The following PKP2 variants were observed in gnomAD, a reference collection of about 807,000 sequenced individuals.
PKP2 encodes the protein plakophilin-2.
A neutral mutation model predicts 83.4 loss-of-function variants in PKP2; 73 were observed. The ratio of observed to expected loss-of-function variants is 0.88; its 90% confidence interval spans 0.72 to 1.06. The LOEUF (loss-of-function observed/expected upper bound fraction) is 1.06. Among genes scored for constraint, PKP2 ranks in the 50% least tolerant of loss-of-function variants. The pLI is 0.00. For synonymous variants in PKP2, 409 were observed against 430.4 expected, an observed-to-expected ratio of 0.95 and a Z score of 0.62; for missense variants, 966 against 1,065.4, an observed-to-expected ratio of 0.91 and a Z score of 1.30.
chr12:32,880,365 A>C (rs923742192), intron 1 of PKP2, among the ~76,000 whole-genome samples: 36 of 152,180 alleles, frequency 2.4e-4, no homozygotes, highest in African/African-American at 8.7e-4. Context: ...GCGCCACTGC[A>C]CTCCAGCCAG....
rs1362474190 is a variant in PKP2, at chr12:32,843,145, A to G, written c.1379-1940T>C. ...CAGGCGCAGACCACGACACCCGGCT[A>G]ATTTTTTTGTATTTTGAGTAGAGAC... On this transcript the variant is annotated intron_variant, in intron 5 of 12. Coordinates refer to ENST00000340811, the MANE Select transcript of PKP2 (RefSeq NM_001005242.3). The G allele has an allele frequency of 2.5e-5, 11 of 439,624 alleles. No homozygotes were observed. In the Admixed American group the frequency reaches 2.7e-4, roughly 11 times the overall value. 27.2% of individuals were successfully genotyped at this position (439,624 alleles called of 1,614,324 possible). A position where few individuals can be genotyped will look rare whatever the true frequency, so the allele number is the denominator to read the frequency against.
intron 4 of PKP2, among the ~76,000 whole-genome samples, chr12:32,851,266 T>C (rs541523583): frequency 6.6e-6 from 1 of 152,302 alleles, no homozygotes; most frequent in East Asian, 1.9e-4. Flanking sequence ...AGTTAAGTGA[T>C]AAAAGCTTGG....
intron 6 of PKP2, among the ~76,000 whole-genome samples, chr12:32,828,226 A>G (rs751550192): frequency 1.3e-5 from 2 of 152,220 alleles, no homozygotes; most frequent in Non-Finnish European, 2.9e-5. Flanking sequence ...AGGGGGATTC[A>G]GGTGTTTTAT....
At chr12:32,821,761 C>A (rs902245347) in intron 8 of PKP2, 18 of 499,640 alleles carry the variant, frequency 3.6e-5, no homozygotes, top group Non-Finnish European at 5.8e-5. Flanking sequence ...TGATATTTCT[C>A]CCAGTGAGAG....
intron 4 of PKP2, among the ~76,000 whole-genome samples, chr12:32,855,308 A>C (rs1956735234): frequency 1.3e-5 from 2 of 152,172 alleles, no homozygotes; most frequent in African/African-American, 4.8e-5. Flanking sequence ...CTGACACTTT[A>C]TTAGCCATAC....
chr12:32,850,672 C>A (rs1956687405), intron 5 of PKP2, 94 bp downstream of exon 5: 2 of 918,032 alleles, frequency 2.2e-6, no homozygotes, highest in Admixed American at 3.9e-5. Context: ...GCCCATCAAT[C>A]ATTTGCTCCA....
chr12:32,837,332 CTT>C (rs1956552618), intron 6 of PKP2, among the ~76,000 whole-genome samples: 1 of 152,162 alleles, frequency 6.6e-6, no homozygotes, highest in Non-Finnish European at 1.5e-5. Flanking sequence ...AGCCATATGA[CTT>C]TAGGAAAATC....
intron 6 of PKP2, among the ~76,000 whole-genome samples, chr12:32,839,967 A>G (rs1956575554): frequency 6.6e-6 from 1 of 152,182 alleles, no homozygotes; most frequent in East Asian, 1.9e-4. Context: ...CCTCTTTTCT[A>G]GTGCCCTTCT....
At position 32,878,954 on chromosome 12, in the gene PKP2, C is replaced by T. The variant is rs149542398; in HGVS notation, c.302G>A (p.Arg101His). ...GTCATAGGTTTTAGGAACAGGGGAA[C>T]GGCCTCCAACAAAATCATTTTCAAC... ...HLVENDFVGG[R>H]SPVPKTYDML... Residue 101 changes from arginine (R) to histidine (H), a missense_variant, in exon 2 of 13, where the codon CGT (arginine) becomes CAT (histidine). Coordinates refer to ENST00000340811, the MANE Select transcript of PKP2 (RefSeq NM_001005242.3). 5.3e-4 allele frequency: 847 copies of T among 1,600,104 alleles called. 1 individual carries two copies. Among genetic ancestry groups the T allele is most frequent in the Non-Finnish European group, 7.0e-4 (821 of 1,169,174 alleles).
At chr12:32,865,493 CAACATGATGA>C (rs1271683343) in intron 4 of PKP2, among the ~76,000 whole-genome samples, 1 of 151,008 alleles carries the variant, frequency 6.6e-6, no homozygotes, top group African/African-American at 2.4e-5. Flanking sequence ...CCAGCCTGGC[CAACATGATGA>C]AACCTCGACT....
chr12:32,885,666 C>G (rs1470226651), intron 1 of PKP2, among the ~76,000 whole-genome samples: 2 of 151,112 alleles, frequency 1.3e-5, no homozygotes, highest in Non-Finnish European at 2.9e-5. Flanking sequence ...TCCGTCCCCC[C>G]CCCAAAAAAA....
chr12:32,892,557 C>A (rs1957083341), intron 1 of PKP2, among the ~76,000 whole-genome samples: 1 of 152,000 alleles, frequency 6.6e-6, no homozygotes, highest in Non-Finnish European at 1.5e-5. Context: ...CTCAGGTAAT[C>A]CACCCGTCTC....
intron 11 of PKP2, among the ~76,000 whole-genome samples, chr12:32,793,092 C>G (rs1956087222): frequency 6.6e-6 from 1 of 151,998 alleles, no homozygotes; most frequent in Admixed American, 6.6e-5. Context: ...AATACAAAAT[C>G]TAGCTGGGCG....
chr12:32,848,360 C>G (rs778418967), intron 5 of PKP2, among the ~76,000 whole-genome samples: 5 of 152,060 alleles, frequency 3.3e-5, no homozygotes, highest in Admixed American at 6.6e-5. Flanking sequence ...TGGAACCAGA[C>G]GTTGCAGTGA....
intron 4 of PKP2, among the ~76,000 whole-genome samples, chr12:32,859,911 T>C (rs1369564956): frequency 6.6e-6 from 1 of 152,212 alleles, no homozygotes; most frequent in Non-Finnish European, 1.5e-5. Context: ...ATGAACACTC[T>C]GATAAAATGT....
Position 32,792,416 on chromosome 12 carries a change from C to A in PKP2, c.*8G>T. ...ATTTTTGCAGCCGAGAATACTTTGT[C>A]ATTTTCCTCAGTCTTTAAGGGAGTG... On this transcript the variant is annotated 3_prime_UTR_variant, in exon 13 of 13. Coordinates refer to ENST00000340811, the MANE Select transcript of PKP2 (RefSeq NM_001005242.3). 6.2e-7 allele frequency: 1 copy of A among 1,608,778 alleles called. No homozygotes were observed. Among genetic ancestry groups the A allele is most frequent in the South Asian group, 1.1e-5 (1 of 90,970 alleles).
intron 4 of PKP2, among the ~76,000 whole-genome samples, chr12:32,855,662 G>T (rs997024716): frequency 3.6e-4 from 54 of 151,250 alleles, no homozygotes; most frequent in Non-Finnish European, 1.5e-4. Flanking sequence ...TGTAATCCCA[G>T]CTACTGGGGA....
In PKP2 at chr12:32,865,693, G is replaced by T. The variant is rs11052278; in HGVS notation, c.1170+3234C>A. 2.4e-4 allele frequency among the ~76,000 whole-genome samples: 20 copies of T among 82,240 alleles called. 1 individual carries two copies. Among genetic ancestry groups the T allele is most frequent in the African/African-American group, 4.0e-4 (6 of 15,182 alleles). 54.0% of individuals were successfully genotyped at this position (82,240 alleles called of 152,430 possible). ...AGTGACTCCGTCTCAAAAAAAAAAAGACAAATAGATCAATAGAACAGAATA... is the reference window on the plus strand; with the variant it reads ...AGTGACTCCGTCTCAAAAAAAAAAATACAAATAGATCAATAGAACAGAATA... On this transcript the variant is annotated intron_variant, in intron 4 of 12. Coordinates refer to ENST00000340811, the MANE Select transcript of PKP2 (RefSeq NM_001005242.3).
intron 5 of PKP2, among the ~76,000 whole-genome samples, chr12:32,849,649 AAGT>A (rs760595380): frequency 6.6e-5 from 10 of 152,218 alleles, no homozygotes; most frequent in Non-Finnish European, 8.8e-5. Flanking sequence ...ATTTAAATGA[AAGT>A]AGCCCCTTCT....
Sources: gnomAD v4.1 joint callset for allele counts (sites outside exome capture counted in the v4.1 genomes callset) on GRCh38, gnomAD v4.1.1 for gene constraint, MANE v1.5 for transcripts, NCBI Gene and HGNC (gene_info 2026-07-23, HGNC 2026-07-21) for gene names.